Variants in SUGCT observed in about 807,000 individuals in gnomAD.
The protein encoded by SUGCT is succinyl-CoA:glutarate CoA-transferase.
SUGCT carries 41 observed loss-of-function variants against 55.0 expected under a neutral mutation model. The observed-to-expected ratio is 0.74, with a 90% CI of 0.58 to 0.97. SUGCT has a LOEUF of 0.97. Ranked by LOEUF, SUGCT falls within the 50% of genes least tolerant of loss-of-function variation. SUGCT has a pLI of 0.00. For missense variants in SUGCT, 568 were observed against 547.8 expected (o/e 1.04, Z -0.37); for synonymous variants, 187 against 200.4 (o/e 0.93, Z 0.56).
chr7:40,516,281 T>C (rs765885125), intron 12 of SUGCT, among the ~76,000 whole-genome samples: 8 of 152,194 alleles, frequency 5.3e-5, no homozygotes, highest in Non-Finnish European at 1.2e-4. Flanking sequence ...TCTTCCATTC[T>C]GTAAGTTTTC....
intron 13 of SUGCT, among the ~76,000 whole-genome samples, chr7:40,772,698 T>A (rs771453947): frequency 1.1e-4 from 16 of 151,874 alleles, no homozygotes; most frequent in Non-Finnish European, 2.1e-4. Flanking sequence ...AGTGCAATCA[T>A]GGCTCACTGC....
chr7:40,561,008 A>G (rs1365090677), intron 12 of SUGCT, among the ~76,000 whole-genome samples: 1 of 152,256 alleles, frequency 6.6e-6, no homozygotes, highest in African/African-American at 2.4e-5. Flanking sequence ...TGTTGAAACA[A>G]ATATGCAACA....
At chr7:40,377,190 CT>C (rs1562728505) in intron 9 of SUGCT, among the ~76,000 whole-genome samples, 9 of 9,984 alleles carry the variant, frequency 9.0e-4, no homozygotes, top group Non-Finnish European at 8.8e-3. Flanking sequence ...TTCTTTCTTT[CT>C]TTCTTTCTTT....
At chr7:40,791,861 C>T (rs1158244068) in intron 13 of SUGCT, among the ~76,000 whole-genome samples, 1 of 152,102 alleles carries the variant, frequency 6.6e-6, no homozygotes, top group Non-Finnish European at 1.5e-5. Context: ...GACACAAGCT[C>T]CCTTTGGAAT....
chr7:40,582,979 G>T (rs924746160), intron 12 of SUGCT, among the ~76,000 whole-genome samples: 1 of 152,060 alleles, frequency 6.6e-6, no homozygotes, highest in Admixed American at 6.6e-5. Flanking sequence ...TTATGTATAA[G>T]TAAACATTTC....
intron 12 of SUGCT, among the ~76,000 whole-genome samples, chr7:40,746,133 G>T (rs935552106): frequency 6.6e-6 from 1 of 152,188 alleles, no homozygotes; most frequent in Admixed American, 6.5e-5. Flanking sequence ...ATGAAAGGGA[G>T]TTGAAGTGTC....
chr7:40,223,043 A>G (rs558083888), intron 6 of SUGCT, among the ~76,000 whole-genome samples: 1 of 126,218 alleles, frequency 7.9e-6, no homozygotes, highest in East Asian at 2.2e-4. Context: ...CCTTCCTTCC[A>G]TCCATCCACC....
the SUGCT span, among the ~76,000 whole-genome samples, chr7:40,984,020 G>A: frequency 6.6e-6 from 1 of 152,106 alleles, no homozygotes; most frequent in African/African-American, 2.4e-5. Context: ...ATGCAGGTAG[G>A]CGAGGGGTAG....
chr7:40,249,313 C>CTA (rs57348487), intron 7 of SUGCT, among the ~76,000 whole-genome samples: 2,173 of 79,254 alleles, frequency 0.027, 123 homozygotes, highest in African/African-American at 0.11. Context: ...CACCAAAAAG[C>CTA]TATATATATA....
chr7:40,939,103 A>G, the SUGCT span, among the ~76,000 whole-genome samples: 1 of 152,202 alleles, frequency 6.6e-6, no homozygotes, highest in Admixed American at 6.5e-5. Context: ...AAGATGTTTA[A>G]TTGGACTTCA....
At chr7:40,294,712 A>G (rs1474115536) in intron 8 of SUGCT, among the ~76,000 whole-genome samples, 2 of 151,872 alleles carry the variant, frequency 1.3e-5, no homozygotes, top group African/African-American at 2.4e-5. Context: ...ACGCCCGGCT[A>G]GTTTTTGTAC....
At chr7:40,553,350 A>G (rs996986752) in intron 12 of SUGCT, among the ~76,000 whole-genome samples, 1 of 152,234 alleles carries the variant, frequency 6.6e-6, no homozygotes, top group Non-Finnish European at 1.5e-5. Flanking sequence ...GAAAATGTAT[A>G]TGATCTCTGG....
At chr7:40,279,849 A>T (rs1356164170) in intron 8 of SUGCT, among the ~76,000 whole-genome samples, 1 of 152,200 alleles carries the variant, frequency 6.6e-6, no homozygotes, top group East Asian at 1.9e-4. Context: ...ACCTTTTTTT[A>T]AATTAAAAAA....
At chr7:40,583,352 A>G (rs776211752) in intron 12 of SUGCT, among the ~76,000 whole-genome samples, 1 of 151,612 alleles carries the variant, frequency 6.6e-6, no homozygotes, top group Non-Finnish European at 1.5e-5. Flanking sequence ...AATTTTAGAA[A>G]CTCTTCTTTC....
At chr7:40,918,525 G>A in the SUGCT span, among the ~76,000 whole-genome samples, 1 of 150,836 alleles carries the variant, frequency 6.6e-6, no homozygotes, top group Non-Finnish European at 1.5e-5. Context: ...CAGCCCCAAA[G>A]CTATGATGAT....
At chr7:40,906,952 C>T in the SUGCT span, among the ~76,000 whole-genome samples, 3 of 152,132 alleles carry the variant, frequency 2.0e-5, no homozygotes, top group East Asian at 5.8e-4. Context: ...GCATTGCTGG[C>T]CTCCCAGAGA....
intron 3 of SUGCT, among the ~76,000 whole-genome samples, chr7:40,185,807 G>T (rs1785472298): frequency 6.6e-6 from 1 of 152,108 alleles, no homozygotes; most frequent in Admixed American, 6.6e-5. Context: ...ACAGGGGCGA[G>T]CCACCACATC....
intron 12 of SUGCT, among the ~76,000 whole-genome samples, chr7:40,510,630 C>T (rs1478066660): frequency 6.6e-6 from 1 of 152,108 alleles, no homozygotes; most frequent in African/African-American, 2.4e-5. Context: ...AGGAACATGA[C>T]AGAAGTACAA....
At chr7:40,560,846 A>C (rs1005395579) in intron 12 of SUGCT, among the ~76,000 whole-genome samples, 19 of 152,210 alleles carry the variant, frequency 1.2e-4, no homozygotes, top group African/African-American at 4.6e-4. Context: ...AATGTTTCTT[A>C]ATTAGTGTTT....
Sources: gnomAD v4.1 joint callset for allele counts (sites outside exome capture counted in the v4.1 genomes callset) on GRCh38, gnomAD v4.1.1 for gene constraint, MANE v1.5 for transcripts, NCBI Gene and HGNC (gene_info 2026-07-23, HGNC 2026-07-21) for gene names.